DIP2C: variants seen among roughly 807,000 people sequenced by gnomAD.
DIP2C encodes the protein disco-interacting protein 2 homolog C.
In DIP2C, 33 loss-of-function variants were observed where a neutral mutation model predicts 192.4. That is an observed-to-expected ratio of 0.17 (90% CI 0.13 to 0.23). The LOEUF is 0.23. DIP2C is among the 10% of genes least tolerant of loss of function. DIP2C has a pLI of 1.00. For missense variants in DIP2C, 1,537 were observed against 2,110.1 expected (o/e 0.73, Z 5.32); for synonymous variants, 979 against 864.1 (o/e 1.13, Z -2.33).
At chr10:617,091 A>G (rs1055014725) in intron 1 of DIP2C, among the ~76,000 whole-genome samples, 1 of 152,196 alleles carries the variant, frequency 6.6e-6, no homozygotes, top group African/African-American at 2.4e-5. Flanking sequence ...TCACAGGCCC[A>G]GAGGTGCCCC....
chr10:564,225 G>C (rs73576243), intron 1 of DIP2C, among the ~76,000 whole-genome samples: 1 of 148,294 alleles, frequency 6.7e-6, no homozygotes, highest in African/African-American at 2.5e-5. Context: ...CCCCACCCCC[G>C]CACGTGGTTG....
chr10:438,926 A>AT (rs1967493030), intron 4 of DIP2C, among the ~76,000 whole-genome samples: 1 of 151,842 alleles, frequency 6.6e-6, no homozygotes, highest in Non-Finnish European at 1.5e-5. Context: ...GGCTCAAGTG[A>AT]TTTTTCCACC....
Position 417,745 on chromosome 10 carries a change from C to T in DIP2C, c.739+1320G>A, listed in dbSNP as rs367671142. Among the ~76,000 whole-genome samples the T allele has an allele frequency of 2.5e-4, 33 of 130,724 alleles. 2 individuals are homozygous for T. The highest frequency in any genetic ancestry group is 8.0e-4 in the African/African-American group (25 of 31,322). The allele number at this position is 130,724 out of a possible 152,430, so 85.8% of individuals were successfully genotyped here. On this transcript the variant is annotated intron_variant, in intron 6 of 36. Transcript: ENST00000280886. ...CCCTGTCTGCCTGCGCCTGTCAGGG[C>T]TCGGATAGGCATCCCTGTCCACCTG...
chr10:326,562 C>G (rs1957280068), intron 31 of DIP2C, among the ~76,000 whole-genome samples: 1 of 152,232 alleles, frequency 6.6e-6, no homozygotes, highest in South Asian at 2.1e-4. Context: ...ACGCCTGTTT[C>G]CCAGAAGTGC....
At chr10:412,441 A>G (rs1965249215) in intron 8 of DIP2C, among the ~76,000 whole-genome samples, 1 of 152,260 alleles carries the variant, frequency 6.6e-6, no homozygotes. Flanking sequence ...TGAGGGTCAC[A>G]TAGAAAAGTC....
intron 1 of DIP2C, among the ~76,000 whole-genome samples, chr10:669,823 C>G (rs776317866): frequency 2.0e-5 from 3 of 152,098 alleles, no homozygotes; most frequent in Non-Finnish European, 2.9e-5. Context: ...CATGTGATTT[C>G]CAATAAGTGG....
At chr10:352,616 G>A (rs1005392062) in intron 24 of DIP2C, among the ~76,000 whole-genome samples, 1 of 152,214 alleles carries the variant, frequency 6.6e-6, no homozygotes, top group South Asian at 2.1e-4. Flanking sequence ...GCCAGGCAGG[G>A]CCATGGGTCA....
intron 4 of DIP2C, among the ~76,000 whole-genome samples, chr10:436,195 C>T (rs962197309): frequency 2.0e-5 from 3 of 152,194 alleles, no homozygotes; most frequent in South Asian, 4.1e-4. Context: ...ATTTTACTGC[C>T]TTTTTCTTGA....
intron 14 of DIP2C, among the ~76,000 whole-genome samples, chr10:387,309 A>C (rs1378693753): frequency 2.6e-5 from 4 of 152,208 alleles, no homozygotes; most frequent in Non-Finnish European, 5.9e-5. Flanking sequence ...TGCAGTTGTG[A>C]ACCACGTTAG....
chr10:392,882 A>T (rs1321150067), intron 10 of DIP2C, among the ~76,000 whole-genome samples: 1 of 14,468 alleles, frequency 6.9e-5, no homozygotes, highest in Non-Finnish European at 1.9e-4. Flanking sequence ...CAACACTCAC[A>T]CACACGTGCC....
At chr10:340,940 T>C in intron 29 of DIP2C, 1 of 564,186 alleles carries the variant, frequency 1.8e-6, no homozygotes, top group East Asian at 4.2e-5. Flanking sequence ...AGTCTTCTGA[T>C]TGTCAGAAAT....
intron 3 of DIP2C, among the ~76,000 whole-genome samples, chr10:458,890 C>T (rs1969524536): frequency 6.6e-6 from 1 of 150,844 alleles, no homozygotes; most frequent in African/African-American, 2.5e-5. Flanking sequence ...TACTAGAACA[C>T]AAGTCTATTT....
At position 355,112 on chromosome 10, in the gene DIP2C, T is replaced by C. The variant is rs567137941; in HGVS notation, c.2985+1314A>G. ...CCTCAAGATCTCCGGCCCCCACACC[T>C]GAGCTCTCAGCGTGGGGCAGGGGCT... is the stretch of plus-strand genomic sequence containing the variant. On this transcript the variant is annotated intron_variant, in intron 24 of 36. Coordinates refer to ENST00000280886, the MANE Select transcript of DIP2C (RefSeq NM_014974.3). 5.9e-5 allele frequency among the ~76,000 whole-genome samples: 9 copies of C among 152,256 alleles called. 1 individual carries two copies. Among genetic ancestry groups the C allele is most frequent in the African/African-American group, 2.2e-4 (9 of 41,582 alleles).
chr10:513,985 A>C (rs1031362010), intron 1 of DIP2C, among the ~76,000 whole-genome samples: 9 of 152,232 alleles, frequency 5.9e-5, no homozygotes, highest in African/African-American at 2.2e-4. Context: ...CAGTCTTGGC[A>C]ATGTACAAAT....
intron 4 of DIP2C, among the ~76,000 whole-genome samples, chr10:438,435 CA>C (rs1472649822): frequency 6.6e-6 from 1 of 152,128 alleles, no homozygotes; most frequent in Admixed American, 6.5e-5. Flanking sequence ...ATACAAATAA[CA>C]TTTTTTTACC....
At chr10:358,189 C>G (rs1051765097) in intron 22 of DIP2C, among the ~76,000 whole-genome samples, 1 of 152,102 alleles carries the variant, frequency 6.6e-6, no homozygotes, top group African/African-American at 2.4e-5. Context: ...CAAGCCCACG[C>G]CTGACTTTCC....
chr10:327,645 C>T (rs977306064), intron 30 of DIP2C, among the ~76,000 whole-genome samples: 1 of 152,196 alleles, frequency 6.6e-6, no homozygotes, highest in Non-Finnish European at 1.5e-5. Flanking sequence ...GACCCTCCCA[C>T]CTTGTGGTCT....
At chr10:423,110 A>C in intron 4 of DIP2C, 77 bp from the exon 5 acceptor site, 1 of 1,364,544 alleles carries the variant, frequency 7.3e-7, no homozygotes, top group East Asian at 2.3e-5. Context: ...CGCCAAACAC[A>C]GATTTACTTC....
intron 15 of DIP2C, 113 bp from the exon 16 acceptor site, chr10:384,259 GC>G: frequency 1.8e-6 from 1 of 554,098 alleles, no homozygotes; most frequent in Non-Finnish European, 3.0e-6. Flanking sequence ...TGGTCACCCA[GC>G]CCCCACAAAC....
Sources: gnomAD v4.1 joint callset for allele counts (sites outside exome capture counted in the v4.1 genomes callset) on GRCh38, gnomAD v4.1.1 for gene constraint, MANE v1.5 for transcripts, NCBI Gene and HGNC (gene_info 2026-07-23, HGNC 2026-07-21) for gene names.